ATP8A1: variants seen among roughly 807,000 people sequenced by gnomAD.
ATP8A1 encodes the protein ATPase phospholipid transporting 8A1, also known as phospholipid-transporting ATPase IA.
Under a neutral mutation model 177.7 loss-of-function variants are expected in ATP8A1, and 90 were observed. The ratio of observed to expected loss-of-function variants is 0.51; its 90% CI spans 0.43 to 0.60. The LOEUF (loss-of-function observed/expected upper bound fraction) is 0.60, where lower values mean the gene tolerates loss of function less well. Ranked by LOEUF, ATP8A1 falls within the 20% of genes least tolerant of loss-of-function variation. ATP8A1 has a pLI of 0.00. For missense variants in ATP8A1, 1,072 were observed against 1,392.8 expected, an observed-to-expected ratio of 0.77 and a Z score of 3.67; for synonymous variants, 493 against 485.9, an observed-to-expected ratio of 1.01 and a Z score of -0.19.
intron 24 of ATP8A1, among the ~76,000 whole-genome samples, chr4:42,487,949 C>A (rs1722358575): frequency 6.6e-6 from 1 of 152,182 alleles, no homozygotes; most frequent in South Asian, 2.1e-4. Context: ...CACTTTACAT[C>A]AGGGATGGGG....
Position 42,588,307 on chromosome 4 carries a change from T to G in ATP8A1, c.547A>C (p.Ile183Leu), listed in dbSNP as rs750943385. Residue 183 changes from isoleucine (I) to leucine (L), a missense_variant, in exon 8 of 37, where the codon ATT becomes CTT. Physicochemically the swap from Ile to Leu is conservative, Grantham distance 5. Around this residue, in one of 5 missense-constraint regions of ATP8A1, gnomAD observed 344 missense variants for 393.5 expected, o/e 0.87. Transcript: ENST00000381668. Reference sequence around the variant, plus strand: ...TCACCATCTAAGTTGGATGTTTCAATGTAGCACATGGCTTGGGGCTCACTG... The same window carrying G: ...TCACCATCTAAGTTGGATGTTTCAAGGTAGCACATGGCTTGGGGCTCACTG... ...SSSEPQAMCY[I>L]ETSNLDGETN... The G allele has an allele frequency of 3.1e-6, 5 of 1,613,948 alleles. No individual in the cohort carries two copies. The East Asian group carries it at 6.7e-5, about 22-fold the overall frequency.
At chr4:42,552,863 C>T (rs564094001) in intron 16 of ATP8A1, among the ~76,000 whole-genome samples, 1 of 152,288 alleles carries the variant, frequency 6.6e-6, no homozygotes, top group South Asian at 2.1e-4. Flanking sequence ...CCTGTAATGC[C>T]AGCTATTCGG....
chr4:42,465,371 C>A (rs1240191209), intron 25 of ATP8A1, among the ~76,000 whole-genome samples: 1 of 152,196 alleles, frequency 6.6e-6, no homozygotes, highest in African/African-American at 2.4e-5. Flanking sequence ...TAACAAACAT[C>A]AGAATTTCTA....
At position 42,548,996 on chromosome 4, in the gene ATP8A1, C is replaced by A. The variant is rs367747693; in HGVS notation, c.1652+17G>T. 3.8e-6 allele frequency: 6 copies of A among 1,592,036 alleles called. No individual in the cohort carries two copies. Among genetic ancestry groups the A allele is most frequent in the Non-Finnish European group, 5.1e-6 (6 of 1,165,230 alleles). ...AAATTTATCTTATCCATACAAATCACTGAGCAGATGTTTTACCTGGTAAAC... is the reference window on the plus strand; with the variant it reads ...AAATTTATCTTATCCATACAAATCAATGAGCAGATGTTTTACCTGGTAAAC... On this transcript the variant is annotated intron_variant, in intron 19 of 36. Transcript: ENST00000381668.
intron 33 of ATP8A1, among the ~76,000 whole-genome samples, chr4:42,443,288 A>G (rs370294822): frequency 1.3e-5 from 2 of 152,304 alleles, no homozygotes; most frequent in African/African-American, 4.8e-5. Context: ...TTCTATATGG[A>G]TATTCTTAAC....
chr4:42,648,318 T>G (rs1740746752), intron 1 of ATP8A1, among the ~76,000 whole-genome samples: 1 of 149,578 alleles, frequency 6.7e-6, no homozygotes, highest in African/African-American at 2.5e-5. Flanking sequence ...TAAAGGAATT[T>G]GATACCAGGG....
intron 8 of ATP8A1, 56 bp downstream of exon 8, chr4:42,588,204 T>C: frequency 1.4e-6 from 2 of 1,431,510 alleles, no homozygotes; most frequent in Non-Finnish European, 2.0e-6. Flanking sequence ...AAAGAAGCTC[T>C]TAATTCCATG....
chr4:42,576,759 A>G (rs1732504083), intron 12 of ATP8A1, among the ~76,000 whole-genome samples: 1 of 152,154 alleles, frequency 6.6e-6, no homozygotes, highest in Non-Finnish European at 1.5e-5. Flanking sequence ...GTTAAGAGAG[A>G]GATTAACCAA....
At chr4:42,452,436 C>T (rs1380236260) in intron 29 of ATP8A1, among the ~76,000 whole-genome samples, 4 of 152,108 alleles carry the variant, frequency 2.6e-5, no homozygotes, top group Non-Finnish European at 5.9e-5. Flanking sequence ...TTGGGGAAAT[C>T]CCTTTATATT....
At chr4:42,650,510 T>G (rs35310687) in intron 1 of ATP8A1, among the ~76,000 whole-genome samples, 4,343 of 152,316 alleles carry the variant, frequency 0.029, 99 homozygotes, top group African/African-American at 0.052. Context: ...TTACCTGGAA[T>G]AGCGTCCTAA....
intron 10 of ATP8A1, 29 bp from the exon 11 acceptor site, chr4:42,580,007 A>G (rs1218413532): frequency 2.0e-6 from 3 of 1,533,596 alleles, no homozygotes; most frequent in Non-Finnish European, 2.7e-6. Flanking sequence ...TGAGTAATAA[A>G]AAATGTACAC....
intron 33 of ATP8A1, among the ~76,000 whole-genome samples, chr4:42,438,262 G>A (rs956735536): frequency 6.6e-6 from 1 of 152,116 alleles, no homozygotes; most frequent in Non-Finnish European, 1.5e-5. Flanking sequence ...TCTGTGAAAT[G>A]TCTAAAAGGA....
intron 25 of ATP8A1, among the ~76,000 whole-genome samples, chr4:42,467,427 C>T (rs937168625): frequency 1.3e-5 from 2 of 152,184 alleles, no homozygotes; most frequent in Non-Finnish European, 1.5e-5. Flanking sequence ...GGCGTAGTGG[C>T]TCATGCCTGT....
intron 25 of ATP8A1, among the ~76,000 whole-genome samples, chr4:42,476,278 A>C (rs1270304021): frequency 6.6e-6 from 1 of 152,152 alleles, no homozygotes; most frequent in Non-Finnish European, 1.5e-5. Flanking sequence ...AATAAACTCC[A>C]TATGTGTAAA....
chr4:42,513,418 A>G (rs1725217244), intron 22 of ATP8A1, among the ~76,000 whole-genome samples: 1 of 152,206 alleles, frequency 6.6e-6, no homozygotes, highest in Non-Finnish European at 1.5e-5. Flanking sequence ...GGAATGAGGT[A>G]TCATCTTAGT....
Position 42,625,707 on chromosome 4 carries a change from T to C in ATP8A1, c.171A>G (p.Ala57=). The change falls in exon 3 of 37, where the codon GCA becomes GCG. Residue 57 remains alanine, a synonymous_variant. Coordinates refer to ENST00000381668, the MANE Select transcript of ATP8A1 (RefSeq NM_006095.2). The part of the protein sequence containing the change: ...TKFCNNHVST[A]KYNIITFLPR... The stretch of plus-strand genomic sequence containing the variant: ...GAAGGAATGTGATTATGTTGTATTT[T>C]GCAGTGCTAGAAAACAAAAATGAAA... 1 of 1,592,960 alleles carries C rather than the reference T, an allele frequency of 6.3e-7. No homozygotes were observed. The highest frequency in any genetic ancestry group is 1.2e-5 in the South Asian group (1 of 86,956).
intron 35 of ATP8A1, among the ~76,000 whole-genome samples, chr4:42,416,550 G>A (rs10517024): frequency 0.055 from 8,405 of 152,030 alleles, 736 homozygotes; most frequent in African/African-American, 0.19. Flanking sequence ...TCAAGTTAAC[G>A]TACAGCATTA....
At chr4:42,511,267 C>T (rs568032016) in intron 22 of ATP8A1, among the ~76,000 whole-genome samples, 5 of 152,240 alleles carry the variant, frequency 3.3e-5, no homozygotes, top group African/African-American at 9.6e-5. Context: ...AAGATTTGAA[C>T]TTTGCGTGCT....
chr4:42,609,742 T>G (rs1322090613), intron 5 of ATP8A1, among the ~76,000 whole-genome samples: 1 of 152,056 alleles, frequency 6.6e-6, no homozygotes, highest in Non-Finnish European at 1.5e-5. Flanking sequence ...TGACACAACC[T>G]GTCCCCCTCC....
Sources: gnomAD v4.1 joint callset for allele counts (sites outside exome capture counted in the v4.1 genomes callset) on GRCh38, gnomAD v4.1.1 for gene constraint, gnomAD v4.1.1 regional missense constraint, MANE v1.5 for transcripts, NCBI Gene and HGNC (gene_info 2026-07-23, HGNC 2026-07-21) for gene names.